DSC2: variants seen among roughly 807,000 people sequenced by gnomAD.
DSC2 encodes desmocollin 2, also known as desmocollin-2.
A neutral mutation model predicts 87.6 loss-of-function variants in DSC2; 51 were observed. That is an observed-to-expected ratio of 0.58 (90% CI 0.46 to 0.74). The LOEUF is 0.74. Among genes scored for constraint, DSC2 ranks in the 30% least tolerant of loss-of-function variants. The pLI is 0.00. For synonymous variants in DSC2, 383 were observed against 393.2 expected, an observed-to-expected ratio of 0.97 and a Z score of 0.31; for missense variants, 1,066 against 1,089.5, an observed-to-expected ratio of 0.98 and a Z score of 0.30.
In DSC2 at chr18:31,087,821, G is replaced by A. The variant is rs2144834295; in HGVS notation, c.631-8C>T. ...TGTTGCAAAGGCAATTATCTGTGAAGAGAGTAAAATAAGGAGAAAAGTGAA... is the reference window on the plus strand; with the variant it reads ...TGTTGCAAAGGCAATTATCTGTGAAAAGAGTAAAATAAGGAGAAAAGTGAA... On this transcript the variant is annotated splice_polypyrimidine_tract_variant and splice_region_variant and intron_variant, in intron 5 of 15. Coordinates refer to ENST00000280904, the MANE Select transcript of DSC2 (RefSeq NM_024422.6). The A allele has an allele frequency of 1.2e-6, 2 of 1,613,324 alleles. No homozygotes were observed. Among genetic ancestry groups the A allele is most frequent in the Non-Finnish European group, 1.7e-6 (2 of 1,179,522 alleles).
At chr18:31,071,550 T>C in intron 13 of DSC2, 55 bp downstream of exon 13, 1 of 1,555,414 alleles carries the variant, frequency 6.4e-7, no homozygotes, top group South Asian at 1.1e-5. Flanking sequence ...AAAAAGTGTC[T>C]TGAAAGTTAC....
intron 12 of DSC2, among the ~76,000 whole-genome samples, chr18:31,072,365 C>T (rs1342485943): frequency 6.6e-6 from 1 of 152,202 alleles, no homozygotes; most frequent in Non-Finnish European, 1.5e-5. Flanking sequence ...ATTAGCAGGT[C>T]ATGAGTCACA....
At chr18:31,099,593 A>T (rs967387948) in intron 1 of DSC2, among the ~76,000 whole-genome samples, 8 of 151,074 alleles carry the variant, frequency 5.3e-5, no homozygotes, top group African/African-American at 1.5e-4. Context: ...CAGAAAGATT[A>T]AAAAAAAAGG....
chr18:31,062,903 G>C lies in DSC2; in HGVS notation c.*5112C>G, dbSNP rs1403070271. 1 of 152,140 alleles carries C rather than the reference G, an allele frequency of 6.6e-6. No individual in the cohort carries two copies. Among genetic ancestry groups the C allele is most frequent in the Admixed American group, 6.5e-5 (1 of 15,270 alleles). 9.4% of individuals were successfully genotyped at this position (152,140 alleles called of 1,614,324 possible). On this transcript the variant is annotated 3_prime_UTR_variant, in exon 16 of 16. Coordinates refer to ENST00000280904, the MANE Select transcript of DSC2 (RefSeq NM_024422.6). ...ATGTCTTCTGAGGAAAAACAATTCA[G>C]TGCAGAATCTAACATACACCATGTC...
chr18:31,077,297 T>C (rs1462565908), intron 11 of DSC2, among the ~76,000 whole-genome samples: 1 of 152,252 alleles, frequency 6.6e-6, no homozygotes, highest in Non-Finnish European at 1.5e-5. Flanking sequence ...CCTGTTCTCA[T>C]GCTATGTGGT....
Position 31,058,932 on chromosome 18 carries a change from A to T in DSC2, c.*9083T>A, listed in dbSNP as rs553143132. 2 of 152,334 alleles carry T rather than the reference A, an allele frequency of 1.3e-5. No individual in the cohort carries two copies. The highest frequency in any genetic ancestry group is 3.9e-4 in the East Asian group (2 of 5,184). The allele number at this position is 152,334 out of a possible 1,614,324, so 9.4% of individuals were successfully genotyped here. On this transcript the variant is annotated 3_prime_UTR_variant, in exon 16 of 16. Transcript: ENST00000280904. ...TTTGAGAGCAGAGGCCATATCTTAC[A>T]TACAGTAGATACCAAATAAATTTTA...
chr18:31,068,264 A>C, intron 15 of DSC2, 52 bp from the exon 16 acceptor site: 2 of 1,612,720 alleles, frequency 1.2e-6, no homozygotes, highest in Non-Finnish European at 1.7e-6. Context: ...TAAACACCAA[A>C]ATTTACTAAC....
chr18:31,094,064 G>A (rs186206137), intron 1 of DSC2, among the ~76,000 whole-genome samples: 14 of 152,172 alleles, frequency 9.2e-5, no homozygotes, highest in African/African-American at 3.4e-4. Context: ...TAAAACGTAT[G>A]TAATAACTTC....
chr18:31,069,336 G>A (rs139411967), intron 14 of DSC2, among the ~76,000 whole-genome samples, 185 bp from the exon 15 acceptor site: 209 of 152,170 alleles, frequency 1.4e-3, no homozygotes, highest in Non-Finnish European at 2.5e-3. Flanking sequence ...ATAATTTAAC[G>A]TAGTAGCCAC....
rs142689268 is a variant in DSC2, at chr18:31,087,596, C to A, written c.775+73G>T. On this transcript the variant is annotated intron_variant, in intron 6 of 15. Coordinates refer to ENST00000280904, the MANE Select transcript of DSC2 (RefSeq NM_024422.6). ...GCTGCTGGGATACGCTGCTTCTCAACGGACATAGTGAAACTAAATGTATGA... is the reference window on the plus strand; with the variant it reads ...GCTGCTGGGATACGCTGCTTCTCAAAGGACATAGTGAAACTAAATGTATGA... 434 of 1,516,744 alleles carry A rather than the reference C, an allele frequency of 2.9e-4. No individual in the cohort carries two copies. In the East Asian group the frequency reaches 8.5e-3, roughly 30 times the overall value. 94.0% of individuals were successfully genotyped at this position (1,516,744 alleles called of 1,614,324 possible). A position where few individuals can be genotyped will look rare whatever the true frequency, so the allele number is the denominator to read the frequency against.
chr18:31,086,353 AG>A (rs1212999841), intron 7 of DSC2, among the ~76,000 whole-genome samples: 1 of 152,240 alleles, frequency 6.6e-6, no homozygotes, highest in Non-Finnish European at 1.5e-5. Flanking sequence ...TGTTTATATC[AG>A]GAAATCTGAT....
intron 11 of DSC2, among the ~76,000 whole-genome samples, chr18:31,077,851 C>A (rs1055978942): frequency 4.6e-5 from 7 of 152,074 alleles, no homozygotes; most frequent in Non-Finnish European, 7.4e-5. Context: ...ACAATAGAAA[C>A]ATTAATCTCA....
rs1986455298 is a variant in DSC2, at chr18:31,059,247, A to G, written c.*8768T>C. Reference sequence around the variant, plus strand: ...AAGTGAACACATTTAATTGGTTTAAACTTGCATTCATTATGCAAACTTTGC... The same window carrying G: ...AAGTGAACACATTTAATTGGTTTAAGCTTGCATTCATTATGCAAACTTTGC... On this transcript the variant is annotated 3_prime_UTR_variant, in exon 16 of 16. Transcript: ENST00000280904. The G allele has an allele frequency of 6.6e-6, 1 of 152,204 alleles. No homozygotes were observed. Among genetic ancestry groups the G allele is most frequent in the Non-Finnish European group, 1.5e-5 (1 of 68,024 alleles). The allele number at this position is 152,204 out of a possible 1,614,324, so 9.4% of individuals were successfully genotyped here. A position where few individuals can be genotyped will look rare whatever the true frequency, so the allele number is the denominator to read the frequency against.
intron 1 of DSC2, among the ~76,000 whole-genome samples, chr18:31,097,123 A>C (rs1987784819): frequency 6.6e-6 from 1 of 151,834 alleles, no homozygotes. Flanking sequence ...TCTACTAAAA[A>C]TACAAAAAAA....
chr18:31,093,243 T>G (rs534207456), intron 2 of DSC2, among the ~76,000 whole-genome samples: 1 of 152,294 alleles, frequency 6.6e-6, no homozygotes, highest in East Asian at 1.9e-4. Context: ...ACCCATCACC[T>G]AGGTATTAAA....
At chr18:31,089,058 A>C (rs1478181973) in intron 5 of DSC2, among the ~76,000 whole-genome samples, 1 of 150,872 alleles carries the variant, frequency 6.6e-6, no homozygotes, top group Non-Finnish European at 1.5e-5. Flanking sequence ...CCAGCTACTC[A>C]GGAGGCTAAG....
At chr18:31,078,688 T>G (rs974026757) in intron 11 of DSC2, among the ~76,000 whole-genome samples, 14 of 152,242 alleles carry the variant, frequency 9.2e-5, no homozygotes, top group African/African-American at 3.4e-4. Flanking sequence ...CTTCAGCAAT[T>G]TAACAAACTG....
Position 31,060,367 on chromosome 18 carries a change from T to C in DSC2, c.*7648A>G, listed in dbSNP as rs1280492387. 6.6e-6 allele frequency: 1 copy of C among 152,190 alleles called. No homozygotes were observed. The highest frequency in any genetic ancestry group is 1.5e-5 in the Non-Finnish European group (1 of 68,068). The allele number at this position is 152,190 out of a possible 1,614,324, so 9.4% of individuals were successfully genotyped here. ...CTCTCATTCCCTATTGGTTAACTCA[T>C]GTCCTTGGTGCCTGGGAGTTTTCCA... On this transcript the variant is annotated 3_prime_UTR_variant, in exon 16 of 16. Coordinates refer to ENST00000280904, the MANE Select transcript of DSC2 (RefSeq NM_024422.6).
chr18:31,076,652 G>C (rs1183719304), intron 11 of DSC2, among the ~76,000 whole-genome samples: 1 of 152,118 alleles, frequency 6.6e-6, no homozygotes, highest in African/African-American at 2.4e-5. Flanking sequence ...AAAGAGAATA[G>C]ACAGAATGGC....
Sources: allele counts gnomAD v4.1 joint callset (sites outside exome capture counted in the v4.1 genomes callset), GRCh38; gene constraint gnomAD v4.1.1; transcripts MANE v1.5; gene names NCBI Gene and HGNC (gene_info 2026-07-23, HGNC 2026-07-21).